The following AVL9 variants were observed in gnomAD, a reference collection of about 807,000 sequenced individuals.
AVL9 encodes AVL9 cell migration associated.
In AVL9, 49 loss-of-function variants were observed where a neutral mutation model predicts 79.2. The ratio of observed to expected loss-of-function variants is 0.62; its 90% CI spans 0.49 to 0.79. The LOEUF is 0.79. AVL9 is among the 30% of genes least tolerant of loss of function. The probability of loss-of-function intolerance (pLI) is 0.00; values close to 1 mark genes in which losing one functional copy is unlikely to be tolerated. For missense variants in AVL9, 682 were observed against 776.8 expected (o/e 0.88, Z 1.45); for synonymous variants, 299 against 280.6 (o/e 1.07, Z -0.65).
At chr7:32,528,075 C>A (rs1468920868) in intron 1 of AVL9, among the ~76,000 whole-genome samples, 1 of 152,128 alleles carries the variant, frequency 6.6e-6, no homozygotes, top group Non-Finnish European at 1.5e-5. Flanking sequence ...TCTCTACAAC[C>A]CCTTGTCTTC....
chr7:32,497,755 C>G (rs1408725282), intron 1 of AVL9, among the ~76,000 whole-genome samples: 1 of 151,670 alleles, frequency 6.6e-6, no homozygotes, highest in African/African-American at 2.4e-5. Flanking sequence ...GGGTTCACAC[C>G]ATTCTCCTGC....
chr7:32,500,425 A>G (rs1030142993), intron 1 of AVL9, among the ~76,000 whole-genome samples: 3 of 151,754 alleles, frequency 2.0e-5, no homozygotes, highest in Admixed American at 6.6e-5. Flanking sequence ...CCACTTTTTG[A>G]TGGGGTTGTT....
At chr7:32,562,282 G>GA (rs61322749) in intron 10 of AVL9, among the ~76,000 whole-genome samples, 76,544 of 151,902 alleles carry the variant, frequency 0.5, 21,001 homozygotes, top group Admixed American at 0.65. Flanking sequence ...AGTTTTAAAA[G>GA]AAAAAAGCTT....
At chr7:32,515,326 A>G (rs1044344142) in intron 1 of AVL9, among the ~76,000 whole-genome samples, 5 of 152,202 alleles carry the variant, frequency 3.3e-5, no homozygotes, top group African/African-American at 7.2e-5. Flanking sequence ...TGACAAATCT[A>G]TTGATATTTA....
intron 1 of AVL9, among the ~76,000 whole-genome samples, chr7:32,523,747 T>G (rs1470208473): frequency 1.4e-5 from 2 of 147,996 alleles, no homozygotes; most frequent in Admixed American, 1.3e-4. Flanking sequence ...TTTTTTTTTT[T>G]TTTTGAGACG....
chr7:32,532,631 T>C (rs577725173), intron 1 of AVL9: 35 of 152,344 alleles, frequency 2.3e-4, no homozygotes, highest in African/African-American at 8.4e-4. Context: ...ATTTAAGGAA[T>C]GTGAAATAAT....
At chr7:32,533,894 G>C (rs1386164262) in intron 1 of AVL9, 1 of 152,200 alleles carries the variant, frequency 6.6e-6, no homozygotes, top group African/African-American at 2.4e-5. Flanking sequence ...GTGGAACATA[G>C]TGCATTGTTA....
intron 15 of AVL9, among the ~76,000 whole-genome samples, chr7:32,583,123 G>A (rs1471814400): frequency 6.6e-6 from 1 of 152,146 alleles, no homozygotes; most frequent in East Asian, 1.9e-4. Context: ...ACTCTTCCCT[G>A]TTTAGATGGT....
intron 3 of AVL9, among the ~76,000 whole-genome samples, chr7:32,548,151 C>CTT (rs1554340933): frequency 2.3e-5 from 3 of 131,594 alleles, no homozygotes; most frequent in Non-Finnish European, 4.7e-5. Context: ...TCTCTTTTTT[C>CTT]TTTTTTTTTT....
chr7:32,503,252 G>C (rs1787222355), intron 1 of AVL9, among the ~76,000 whole-genome samples: 1 of 150,418 alleles, frequency 6.6e-6, no homozygotes. Context: ...GAGGCAGGTG[G>C]ATCACTTGAG....
chr7:32,537,264 C>T (rs945795041), intron 1 of AVL9: 5 of 152,052 alleles, frequency 3.3e-5, no homozygotes, highest in Non-Finnish European at 5.9e-5. Context: ...TCCTATTACT[C>T]AGGAAATTCC....
Position 32,570,128 on chromosome 7 carries a change from A to G in AVL9, c.1324A>G (p.Lys442Glu), listed in dbSNP as rs781469427. 2 of 1,614,200 alleles carry G rather than the reference A, an allele frequency of 1.2e-6. No individual in the cohort carries two copies. The highest frequency in any genetic ancestry group is 1.7e-5 in the Admixed American group (1 of 60,020). Residue 442 changes from lysine to glutamate, a missense_variant, in exon 11 of 16, where the codon AAA becomes GAA. Coordinates refer to ENST00000318709, the MANE Select transcript of AVL9 (RefSeq NM_015060.3). ...TACTAACATCCTTTTTCGACAACAG[A>G]AACACCTCAGTGATGCCATTGTGGA... ...GATNILFRQQ[K>E]HLSDAIVEVE...
At chr7:32,551,596 T>A (rs1237320313) in intron 5 of AVL9, among the ~76,000 whole-genome samples, 173 bp downstream of exon 5, 1 of 130,264 alleles carries the variant, frequency 7.7e-6, no homozygotes, top group Non-Finnish European at 1.6e-5. Flanking sequence ...AATACTAAAT[T>A]TAACCAAACT....
At chr7:32,546,086 AT>A (rs1789489921) in intron 3 of AVL9, among the ~76,000 whole-genome samples, 3 of 28,810 alleles carry the variant, frequency 1.0e-4, no homozygotes, top group Non-Finnish European at 2.5e-4. Context: ...TTTTTTTTAA[AT>A]ATCTGTACCT....
intron 1 of AVL9, among the ~76,000 whole-genome samples, chr7:32,541,978 T>G (rs1789232071): frequency 6.6e-6 from 1 of 152,076 alleles, no homozygotes; most frequent in Non-Finnish European, 1.5e-5. Flanking sequence ...GCTCCCAAAG[T>G]GTTGAGAATT....
At position 32,525,910 on chromosome 7, in the gene AVL9, G is replaced by A. The variant is rs2128126144; in HGVS notation, c.94-17231G>A. On this transcript the variant is annotated intron_variant, in intron 1 of 15. Coordinates refer to ENST00000318709, the MANE Select transcript of AVL9 (RefSeq NM_015060.3). ...ACACTGGTTTTTGTCACACAACCCAGATAATTTAGGCATGCGGATACATTG... is the reference window on the plus strand; with the variant it reads ...ACACTGGTTTTTGTCACACAACCCAAATAATTTAGGCATGCGGATACATTG... Among the ~76,000 whole-genome samples, 3 of 152,278 alleles carry A rather than the reference G, an allele frequency of 2.0e-5. No homozygotes were observed. In the South Asian group the frequency reaches 6.2e-4, roughly 32 times the overall value.
chr7:32,586,805 T>C lies in AVL9; in HGVS notation c.*2898T>C, dbSNP rs1423131057. ...GAGTGTTTGGAAAATGTCCCTGGTA[T>C]ACTTCAATTCCTACTAGACATTGTA... On this transcript the variant is annotated 3_prime_UTR_variant, in exon 16 of 16. Coordinates refer to ENST00000318709, the MANE Select transcript of AVL9 (RefSeq NM_015060.3). The C allele has an allele frequency of 6.6e-6, 1 of 152,262 alleles. No individual in the cohort carries two copies. The highest frequency in any genetic ancestry group is 1.9e-4 in the East Asian group (1 of 5,204). 9.4% of individuals were successfully genotyped at this position (152,262 alleles called of 1,614,324 possible). A position where few individuals can be genotyped will look rare whatever the true frequency, so the allele number is the denominator to read the frequency against.
At chr7:32,576,890 C>T (rs1791128392) in intron 13 of AVL9, among the ~76,000 whole-genome samples, 1 of 152,158 alleles carries the variant, frequency 6.6e-6, no homozygotes, top group Admixed American at 6.5e-5. Context: ...TGCTGTAATA[C>T]TGAATGTTGA....
intron 1 of AVL9, among the ~76,000 whole-genome samples, chr7:32,523,736 C>CTT (rs57458179): frequency 0.069 from 8,596 of 125,426 alleles, 385 homozygotes; most frequent in Non-Finnish European, 0.085. Context: ...CTTTTCTTTT[C>CTT]TTTTTTTTTT....
Sources: allele counts gnomAD v4.1 joint callset (sites outside exome capture counted in the v4.1 genomes callset), GRCh38; gene constraint gnomAD v4.1.1; transcripts MANE v1.5; gene names NCBI Gene and HGNC (gene_info 2026-07-23, HGNC 2026-07-21).